The following CR1L variants were observed in gnomAD, a reference collection of about 807,000 sequenced individuals.
CR1L encodes the protein complement component receptor 1-like protein.
A neutral mutation model predicts 62.3 loss-of-function variants in CR1L; 59 were observed. The observed-to-expected ratio is 0.95, with a 90% CI of 0.77 to 1.18. The LOEUF is 1.18. Among genes scored for constraint, CR1L ranks in the 50% most tolerant of loss-of-function variants. The pLI, the probability that CR1L is intolerant of heterozygous loss-of-function variation, is 0.00. For missense variants in CR1L, 700 were observed against 702.8 expected (o/e 1.00, Z 0.04); for synonymous variants, 279 against 248.7 (o/e 1.12, Z -1.15).
intron 3 of CR1L, among the ~76,000 whole-genome samples, chr1:207,682,867 T>C (rs940682665): frequency 3.5e-4 from 53 of 152,200 alleles, no homozygotes; most frequent in African/African-American, 1.3e-3. Flanking sequence ...GACATACTAA[T>C]TGAGAATTGC....
intron 3 of CR1L, among the ~76,000 whole-genome samples, chr1:207,681,250 C>T (rs1663790699): frequency 6.6e-6 from 1 of 152,182 alleles, no homozygotes; most frequent in African/African-American, 2.4e-5. Flanking sequence ...GACATGTTCA[C>T]CCACATCCTG....
intron 1 of CR1L, among the ~76,000 whole-genome samples, chr1:207,654,832 C>G (rs1663280688): frequency 6.6e-6 from 1 of 152,138 alleles, no homozygotes; most frequent in African/African-American, 2.4e-5. Context: ...CCAGGCATTC[C>G]AGCTCTAGGG....
In CR1L at chr1:207,696,023, G is replaced by A. The variant is rs552082998; in HGVS notation, c.862+1272G>A. On this transcript the variant is annotated intron_variant, in intron 5 of 11. Transcript: ENST00000508064. Reference sequence around the variant, plus strand: ...CATATCACAGCTAATAGGTCACAAAGATGTTAGAAGGGCAGGAAAATCAGG... The same window carrying A: ...CATATCACAGCTAATAGGTCACAAAAATGTTAGAAGGGCAGGAAAATCAGG... 3.3e-5 allele frequency among the ~76,000 whole-genome samples: 5 copies of A among 152,304 alleles called. No homozygotes were observed. In the East Asian group the frequency reaches 7.7e-4, roughly 24 times the overall value.
At chr1:207,647,320 T>C (rs535026432) in intron 1 of CR1L, among the ~76,000 whole-genome samples, 1 of 152,332 alleles carries the variant, frequency 6.6e-6, no homozygotes, top group Admixed American at 6.5e-5. Context: ...CCCTCAGTCC[T>C]GGAACGTTCT....
chr1:207,706,863 A>C (rs1162038220), intron 9 of CR1L, among the ~76,000 whole-genome samples: 1 of 152,214 alleles, frequency 6.6e-6, no homozygotes, highest in East Asian at 1.9e-4. Context: ...ACAACAACAA[A>C]AAACCATAAA....
At chr1:207,651,368 T>C (rs946698002) in intron 1 of CR1L, among the ~76,000 whole-genome samples, 1 of 152,122 alleles carries the variant, frequency 6.6e-6, no homozygotes, top group Non-Finnish European at 1.5e-5. Flanking sequence ...ACAGTATATA[T>C]ATGGAGAATT....
rs1200729272 is a variant in CR1L at position 207,672,076 on chromosome 1, C to A, written c.98-5313C>A. Among the ~76,000 whole-genome samples, 3 of 150,762 alleles carry A rather than the reference C, an allele frequency of 2.0e-5. 1 individual carries two copies. Among genetic ancestry groups the A allele is most frequent in the African/African-American group, 5.0e-5 (2 of 40,178 alleles). ...TTGAGTGTCAATGATCTAAAGGCAC[C>A]AATTGAAACAGATCATCAGAGTCGA... On this transcript the variant is annotated intron_variant, in intron 1 of 11. Transcript: ENST00000508064.
chr1:207,687,617 C>T (rs1173388380), intron 4 of CR1L, among the ~76,000 whole-genome samples: 3 of 152,084 alleles, frequency 2.0e-5, no homozygotes, highest in Non-Finnish European at 4.4e-5. Flanking sequence ...CTTCTGTGTC[C>T]GGCTTCTGCT....
At chr1:207,655,146 A>C in intron 1 of CR1L, 1 of 471,160 alleles carries the variant, frequency 2.1e-6, no homozygotes, top group Non-Finnish European at 4.0e-6. Context: ...TATGTGTCTT[A>C]TTAATTGCTA....
chr1:207,656,555 T>G (rs1478908300), intron 1 of CR1L, among the ~76,000 whole-genome samples: 4 of 152,152 alleles, frequency 2.6e-5, no homozygotes, highest in Non-Finnish European at 2.9e-5. Flanking sequence ...GGCTCGTGAT[T>G]CTACAAGCTG....
Position 207,706,009 on chromosome 1 carries a change from GTATGTA to G in CR1L, c.1329-2165_1329-2160del, listed in dbSNP as rs1664260159. Among the ~76,000 whole-genome samples the G allele has an allele frequency of 5.1e-5, 3 of 58,978 alleles. No homozygotes were observed. The Admixed American group carries it at 6.3e-4, about 12-fold the overall frequency. 38.7% of individuals were successfully genotyped at this position (58,978 alleles called of 152,430 possible). A position where few individuals can be genotyped will look rare whatever the true frequency, so the allele number is the denominator to read the frequency against. ...ATATGTGTCATATATATGTGTGTGT[GTATGTA>G]TATATATATATATATATATATATAT... On this transcript the variant is annotated intron_variant, in intron 9 of 11. Transcript: ENST00000508064.
At chr1:207,706,058 T>C (rs1664263164) in intron 9 of CR1L, among the ~76,000 whole-genome samples, 1 of 144,130 alleles carries the variant, frequency 6.9e-6, no homozygotes, top group African/African-American at 2.5e-5. Flanking sequence ...ACACTGAATA[T>C]TGCAGAAAAT....
intron 4 of CR1L, among the ~76,000 whole-genome samples, chr1:207,692,163 C>A (rs1415609822): frequency 6.6e-6 from 1 of 152,208 alleles, no homozygotes; most frequent in Non-Finnish European, 1.5e-5. Context: ...ACAGAGAAAC[C>A]TTTAGGCTGA....
At position 207,708,258 on chromosome 1, in the gene CR1L, G is replaced by A. The variant is rs1218131090; in HGVS notation, c.1409G>A (p.Cys470Tyr). The A allele has an allele frequency of 6.2e-7, 1 of 1,611,122 alleles. No individual in the cohort carries two copies. Among genetic ancestry groups the A allele is most frequent in the Non-Finnish European group, 8.5e-7 (1 of 1,179,290 alleles). Reference sequence around the variant, plus strand: ...CATTGGAGCATGAAGCCACCAATTTGTCAACGTGAGTTGAAATCTCTTTCC... The same window carrying A: ...CATTGGAGCATGAAGCCACCAATTTATCAACGTGAGTTGAAATCTCTTTCC... ...TAHWSMKPPI[C>Y]QQIFCPNPPA... Residue 470 changes from cysteine (C) to tyrosine (Y), a missense_variant, in exon 10 of 12, where the codon TGT (cysteine) becomes TAT (tyrosine). Physicochemically the swap from Cys to Tyr is radical, Grantham distance 194. Coordinates refer to ENST00000508064, the MANE Select transcript of CR1L (RefSeq NM_175710.2).
At chr1:207,718,743 G>A (rs182621874) in intron 11 of CR1L, among the ~76,000 whole-genome samples, 1 of 152,202 alleles carries the variant, frequency 6.6e-6, no homozygotes, top group Admixed American at 6.5e-5. Context: ...TGGCTAATTG[G>A]ACTTAGAACT....
intron 1 of CR1L, among the ~76,000 whole-genome samples, chr1:207,674,878 A>G (rs998863118): frequency 4.7e-5 from 7 of 150,076 alleles, no homozygotes; most frequent in African/African-American, 1.7e-4. Flanking sequence ...TTTTTTTTAT[A>G]CAGTGGTTCT....
intron 1 of CR1L, among the ~76,000 whole-genome samples, chr1:207,663,309 G>C (rs192933200): frequency 1.4e-4 from 22 of 152,294 alleles, no homozygotes; most frequent in Non-Finnish European, 1.5e-4. Flanking sequence ...CGAGCTTCCC[G>C]CAGCTTTGTT....
chr1:207,679,620 G>T (rs971481965), intron 3 of CR1L, among the ~76,000 whole-genome samples: 2 of 152,128 alleles, frequency 1.3e-5, no homozygotes, highest in African/African-American at 4.8e-5. Flanking sequence ...GAAATCTCAG[G>T]TTCACACACA....
intron 4 of CR1L, among the ~76,000 whole-genome samples, chr1:207,690,476 C>A (rs1404593148): frequency 2.0e-5 from 3 of 152,152 alleles, no homozygotes; most frequent in Non-Finnish European, 2.9e-5. Flanking sequence ...TACATATGCA[C>A]TTGAAAAGAC....
Sources: gnomAD v4.1 joint callset for allele counts (sites outside exome capture counted in the v4.1 genomes callset) on GRCh38, gnomAD v4.1.1 for gene constraint, MANE v1.5 for transcripts, NCBI Gene and HGNC (gene_info 2026-07-23, HGNC 2026-07-21) for gene names.